LCP2: variants seen among roughly 807,000 people sequenced by gnomAD.
LCP2 encodes lymphocyte cytosolic protein 2.
In LCP2, 29 loss-of-function variants were observed where a neutral mutation model predicts 74.5. The ratio of observed to expected loss-of-function variants is 0.39; its 90% confidence interval spans 0.29 to 0.53. The LOEUF is 0.53. Among genes scored for constraint, LCP2 ranks in the 20% least tolerant of loss-of-function variants. The pLI, the probability that LCP2 is intolerant of heterozygous loss-of-function variation, is 0.72. For synonymous variants in LCP2, 228 were observed against 229.5 expected (o/e 0.99, Z 0.06); for missense variants, 604 against 634.6 (o/e 0.95, Z 0.52).
chr5:170,281,183 A>G (rs187109889), intron 3 of LCP2, among the ~76,000 whole-genome samples: 78 of 152,256 alleles, frequency 5.1e-4, no homozygotes, highest in African/African-American at 1.7e-3. Flanking sequence ...TTGAGGACTG[A>G]CAAGAGCTGG....
rs1378376871 is a variant in LCP2 at position 170,248,766 on chromosome 5, C to A, written c.1533G>T (p.Leu511=). Residue 511 remains leucine (L), a synonymous_variant, in exon 21 of 21, where the codon CTG becomes CTT. Transcript: ENST00000046794. The part of the protein sequence containing the change: ...IIDYFRKMPL[L]LIDGKNRGSR... ...AACCTCGGTTTTTCCCATCAATGAG[C>A]AGAAGTGGCATTTTCCTGAAGTAGT... 6.2e-7 allele frequency: 1 copy of A among 1,611,408 alleles called. No individual in the cohort carries two copies. Among genetic ancestry groups the A allele is most frequent in the Admixed American group, 1.7e-5 (1 of 59,466 alleles).
Position 170,266,842 on chromosome 5 carries a change from T to C in LCP2, c.738A>G (p.Ser246=), listed in dbSNP as rs368219002. 1.5e-4 allele frequency: 236 copies of C among 1,613,848 alleles called. No homozygotes were observed. The highest frequency in any genetic ancestry group is 1.8e-4 in the Non-Finnish European group (218 of 1,179,866). Residue 246 remains serine, a synonymous_variant, in exon 10 of 21, where the codon TCA becomes TCG. Coordinates refer to ENST00000046794, the MANE Select transcript of LCP2 (RefSeq NM_005565.5). ...DRSTKPPLDR[S]LAPFDREPFT... is the part of the protein sequence containing the mutation. ...AGGGTTCTCTATCAAACGGAGCTAATGAACGATCTAGGGGAGGTTTCGTGC... is the reference window on the plus strand; with the variant it reads ...AGGGTTCTCTATCAAACGGAGCTAACGAACGATCTAGGGGAGGTTTCGTGC...
At position 170,266,855 on chromosome 5, in the gene LCP2, G is replaced by T. The variant is rs767881880; in HGVS notation, c.725C>A (p.Pro242His). Residue 242 changes from proline to histidine, a missense_variant, in exon 10 of 21, where the codon CCC becomes CAC. Coordinates refer to ENST00000046794, the MANE Select transcript of LCP2 (RefSeq NM_005565.5). ...APSIDRSTKP[P>H]LDRSLAPFDR... ...AAACGGAGCTAATGAACGATCTAGG[G>T]GAGGTTTCGTGCTTCTGTCTATTGA... 7 of 1,614,000 alleles carry T rather than the reference G, an allele frequency of 4.3e-6. No homozygotes were observed. The highest frequency in any genetic ancestry group is 5.9e-6 in the Non-Finnish European group (7 of 1,179,886).
rs1171727245 is a variant in LCP2 at position 170,296,311 on chromosome 5, C to T, written c.78+1223G>A. Among the ~76,000 whole-genome samples, 7 of 152,142 alleles carry T rather than the reference C, an allele frequency of 4.6e-5. No individual in the cohort carries two copies. The South Asian group carries it at 8.3e-4, about 18-fold the overall frequency. ...TGAAAGCACAAAATATGGCAAAAAA[C>T]AGGATCTGTGAACTGTACCCCTACC... On this transcript the variant is annotated intron_variant, in intron 1 of 20. Coordinates refer to ENST00000046794, the MANE Select transcript of LCP2 (RefSeq NM_005565.5).
At chr5:170,281,823 G>T (rs1762110689) in intron 3 of LCP2, among the ~76,000 whole-genome samples, 1 of 152,198 alleles carries the variant, frequency 6.6e-6, no homozygotes, top group Non-Finnish European at 1.5e-5. Flanking sequence ...AGCAGAAAGA[G>T]CATCATCCAA....
At chr5:170,277,473 C>T (rs1210388313) in intron 3 of LCP2, among the ~76,000 whole-genome samples, 2 of 152,126 alleles carry the variant, frequency 1.3e-5, no homozygotes, top group Non-Finnish European at 2.9e-5. Flanking sequence ...CCAGGCTGGG[C>T]GCGGTGGCTC....
At chr5:170,277,910 C>A (rs1422120558) in intron 3 of LCP2, among the ~76,000 whole-genome samples, 1 of 151,910 alleles carries the variant, frequency 6.6e-6, no homozygotes, top group South Asian at 2.1e-4. Flanking sequence ...CAACTCCAGG[C>A]TTTTGTGACT....
At chr5:170,290,980 G>T (rs1181533387) in intron 2 of LCP2, among the ~76,000 whole-genome samples, 2 of 90,010 alleles carry the variant, frequency 2.2e-5, no homozygotes, top group East Asian at 4.9e-4. Flanking sequence ...AAGAAAGAAA[G>T]AAAGAAAGAA....
chr5:170,247,032 A>G lies in LCP2; in HGVS notation c.*1665T>C, dbSNP rs1761314735. 4.6e-5 allele frequency: 7 copies of G among 152,220 alleles called. No homozygotes were observed. Among genetic ancestry groups the G allele is most frequent in the Admixed American group, 4.6e-4 (7 of 15,290 alleles). 9.4% of individuals were successfully genotyped at this position (152,220 alleles called of 1,614,324 possible). A position where few individuals can be genotyped will look rare whatever the true frequency, so the allele number is the denominator to read the frequency against. ...CCAAATAGTTGCTTTGAAATCTATC[A>G]GGTCCTTCATTTTAGATATTTTTGA... On this transcript the variant is annotated 3_prime_UTR_variant, in exon 21 of 21. Coordinates refer to ENST00000046794, the MANE Select transcript of LCP2 (RefSeq NM_005565.5).
chr5:170,292,989 G>C (rs1405382408), intron 2 of LCP2, among the ~76,000 whole-genome samples: 1 of 152,210 alleles, frequency 6.6e-6, no homozygotes, highest in Non-Finnish European at 1.5e-5. Context: ...TGAGAGATTG[G>C]AGGTGAGAAG....
intron 10 of LCP2, among the ~76,000 whole-genome samples, chr5:170,264,533 G>C (rs188603661): frequency 1.3e-5 from 2 of 152,364 alleles, no homozygotes; most frequent in African/African-American, 2.4e-5. Context: ...TACTGACACT[G>C]AGTGTGGTGG....
chr5:170,269,677 C>T lies in LCP2; in HGVS notation c.523+1042G>A, dbSNP rs139632782. Among the ~76,000 whole-genome samples, 19 of 152,342 alleles carry T rather than the reference C, an allele frequency of 1.2e-4. No individual in the cohort carries two copies. The East Asian group carries it at 3.5e-3, about 28-fold the overall frequency. ...AGCCTCATCTGTGCTTGTCTTCGTG[C>T]CTCTGTATCACGGTTTCACCAAGTA... On this transcript the variant is annotated intron_variant, in intron 7 of 20. Transcript: ENST00000046794.
chr5:170,295,923 G>A (rs1762372839), intron 1 of LCP2, among the ~76,000 whole-genome samples: 1 of 152,104 alleles, frequency 6.6e-6, no homozygotes. Context: ...AGGCAGTGAG[G>A]TCTTCCTGTA....
intron 13 of LCP2, 104 bp downstream of exon 13, chr5:170,262,531 C>G: frequency 1.3e-6 from 1 of 784,502 alleles, no homozygotes; most frequent in South Asian, 1.8e-5. Context: ...GCCCACCCTG[C>G]CCGGGAGCAC....
chr5:170,258,515 A>C, intron 15 of LCP2: 1 of 352,398 alleles, frequency 2.8e-6, no homozygotes, highest in Non-Finnish European at 5.1e-6. Context: ...TGAAAGTCAA[A>C]ATTTTATGCT....
chr5:170,263,635 T>C (rs550135499), intron 10 of LCP2, among the ~76,000 whole-genome samples: 1 of 152,358 alleles, frequency 6.6e-6, no homozygotes, highest in South Asian at 2.1e-4. Flanking sequence ...TACTTGATAA[T>C]TGTGCATCAC....
intron 2 of LCP2, 53 bp downstream of exon 2, chr5:170,293,257 G>A (rs994283073): frequency 2.8e-5 from 43 of 1,553,476 alleles, no homozygotes; most frequent in Non-Finnish European, 3.7e-5. Context: ...GCAGCCATGG[G>A]GAAAAGTGCC....
At chr5:170,268,880 C>CATATATATGCACACACATGCATATAT (rs1554140441) in intron 7 of LCP2, among the ~76,000 whole-genome samples, 1,242 of 55,904 alleles carry the variant, frequency 0.022, 25 homozygotes, top group African/African-American at 0.054. Context: ...TGCACACATG[C>CATATATATGCACACACATGCATATAT]ATGCACACAC....
chr5:170,265,339 G>T (rs1217746844), intron 10 of LCP2, among the ~76,000 whole-genome samples: 2 of 152,132 alleles, frequency 1.3e-5, no homozygotes, highest in East Asian at 3.8e-4. Context: ...CTCAGGTGGG[G>T]TGTAAACATT....
Sources: allele counts gnomAD v4.1 joint callset (sites outside exome capture counted in the v4.1 genomes callset), GRCh38; gene constraint gnomAD v4.1.1; transcripts MANE v1.5; gene names NCBI Gene and HGNC (gene_info 2026-07-23, HGNC 2026-07-21).